The following CDH20 variants were observed in gnomAD, a reference collection of about 807,000 sequenced individuals.
The protein encoded by CDH20 is cadherin 20, also known as cadherin-20.
In CDH20, 29 loss-of-function variants were observed where a neutral mutation model predicts 74.2. The ratio of observed to expected loss-of-function variants is 0.39; its 90% CI spans 0.29 to 0.53. The LOEUF (loss-of-function observed/expected upper bound fraction) is 0.53, where lower values mean the gene tolerates loss of function less well. Among genes scored for constraint, CDH20 ranks in the 20% least tolerant of loss-of-function variants. The pLI, the probability that CDH20 is intolerant of heterozygous loss-of-function variation, is 0.69. For missense variants in CDH20, 988 were observed against 1,048.3 expected, an observed-to-expected ratio of 0.94 and a Z score of 0.79; for synonymous variants, 469 against 405.4, an observed-to-expected ratio of 1.16 and a Z score of -1.88.
intron 1 of CDH20, among the ~76,000 whole-genome samples, chr18:61,354,274 T>C (rs143374198): frequency 7.7e-4 from 117 of 152,206 alleles, no homozygotes; most frequent in African/African-American, 2.7e-3. Flanking sequence ...TGTGGAATTA[T>C]ACACTATTGG....
chr18:61,414,718 G>A (rs1219656320), intron 1 of CDH20, among the ~76,000 whole-genome samples: 3 of 151,894 alleles, frequency 2.0e-5, no homozygotes, highest in African/African-American at 7.3e-5. Flanking sequence ...ACCAATTTAA[G>A]TTTTAATTTG....
At chr18:61,434,070 C>T (rs892026949) in intron 1 of CDH20, among the ~76,000 whole-genome samples, 8 of 152,038 alleles carry the variant, frequency 5.3e-5, no homozygotes, top group Admixed American at 1.3e-4. Context: ...GCAGTAACAG[C>T]CCTTTATACT....
rs1056209650 is a variant in CDH20, at chr18:61,524,782, G to A, written c.1018-3185G>A. On this transcript the variant is annotated intron_variant, in intron 6 of 11. Transcript: ENST00000262717. Reference sequence around the variant, plus strand: ...CTGAAAATACAAAAATTAGCCAGGCGTGGTGGCACACACGTGTAGTCCCAG... The same window carrying A: ...CTGAAAATACAAAAATTAGCCAGGCATGGTGGCACACACGTGTAGTCCCAG... Among the ~76,000 whole-genome samples, 7 of 152,258 alleles carry A rather than the reference G, an allele frequency of 4.6e-5. No individual in the cohort carries two copies. The East Asian group carries it at 1.2e-3, about 25-fold the overall frequency.
At chr18:61,407,725 C>T (rs1463766939) in intron 1 of CDH20, among the ~76,000 whole-genome samples, 1 of 152,202 alleles carries the variant, frequency 6.6e-6, no homozygotes, top group Non-Finnish European at 1.5e-5. Flanking sequence ...TAGAAAACAG[C>T]AGATGAACCT....
At chr18:61,520,327 AAAAAAAG>A (rs771277727) in intron 6 of CDH20, among the ~76,000 whole-genome samples, 1 of 128,620 alleles carries the variant, frequency 7.8e-6, no homozygotes, top group Non-Finnish European at 1.7e-5. Flanking sequence ...AAAAAAAAAA[AAAAAAAG>A]ACAAAGAAGG....
At chr18:61,394,511 G>A (rs1911897065) in intron 1 of CDH20, among the ~76,000 whole-genome samples, 2 of 152,136 alleles carry the variant, frequency 1.3e-5, no homozygotes, top group South Asian at 4.1e-4. Context: ...AGGCATGCCA[G>A]TGATCACCAG....
intron 1 of CDH20, among the ~76,000 whole-genome samples, chr18:61,429,419 T>C (rs1008211661): frequency 1.3e-5 from 2 of 152,196 alleles, no homozygotes; most frequent in East Asian, 3.9e-4. Context: ...AGATTGTTTG[T>C]GTGTGTTTTC....
intron 1 of CDH20, among the ~76,000 whole-genome samples, chr18:61,381,666 G>A (rs765243349): frequency 2.6e-5 from 4 of 152,188 alleles, no homozygotes; most frequent in African/African-American, 2.4e-5. Context: ...ATCCAAAAAT[G>A]TCTGATATAC....
At chr18:61,392,969 C>G (rs1337366038) in intron 1 of CDH20, among the ~76,000 whole-genome samples, 1 of 152,154 alleles carries the variant, frequency 6.6e-6, no homozygotes, top group East Asian at 1.9e-4. Context: ...AGGATCACTG[C>G]CCAAGTCAAA....
intron 1 of CDH20, among the ~76,000 whole-genome samples, chr18:61,373,727 CT>C (rs892910851): frequency 6.6e-6 from 1 of 152,156 alleles, no homozygotes; most frequent in African/African-American, 2.4e-5. Context: ...AAATCACCAC[CT>C]GCCTCCTTCT....
rs115025547 is a variant in CDH20, at chr18:61,446,385, C to T, written c.-152-44017C>T. Among the ~76,000 whole-genome samples, 670 of 152,166 alleles carry T rather than the reference C, an allele frequency of 4.4e-3. 9 individuals are homozygous for T. The highest frequency in any genetic ancestry group is 0.015 in the African/African-American group (643 of 41,524). ...TTCTTTAACTGTTTCCTGTTCTCACCGCTCTCACTACCTTACTTGCTTCTG... is the reference window on the plus strand; with the variant it reads ...TTCTTTAACTGTTTCCTGTTCTCACTGCTCTCACTACCTTACTTGCTTCTG... On this transcript the variant is annotated intron_variant, in intron 1 of 11. Transcript: ENST00000262717.
At chr18:61,440,414 C>T (rs898421134) in intron 1 of CDH20, among the ~76,000 whole-genome samples, 1 of 152,130 alleles carries the variant, frequency 6.6e-6, no homozygotes, top group African/African-American at 2.4e-5. Context: ...GTAAAAACTA[C>T]TACTTAGGAG....
At chr18:61,398,341 G>A (rs1406411689) in intron 1 of CDH20, among the ~76,000 whole-genome samples, 1 of 152,096 alleles carries the variant, frequency 6.6e-6, no homozygotes, top group Non-Finnish European at 1.5e-5. Flanking sequence ...TCCAGAACCT[G>A]AAAAGAGTAG....
intron 1 of CDH20, among the ~76,000 whole-genome samples, chr18:61,419,897 T>C (rs1054244962): frequency 6.6e-6 from 1 of 152,178 alleles, no homozygotes; most frequent in African/African-American, 2.4e-5. Context: ...GAGTCACTGT[T>C]CTCATTGAGA....
chr18:61,364,301 G>A (rs1415238255), intron 1 of CDH20, among the ~76,000 whole-genome samples: 1 of 151,920 alleles, frequency 6.6e-6, no homozygotes. Context: ...AAGTGAATGA[G>A]GTGTGTTTGT....
intron 1 of CDH20, among the ~76,000 whole-genome samples, chr18:61,486,865 A>G (rs987422871): frequency 2.6e-5 from 4 of 152,172 alleles, no homozygotes; most frequent in Non-Finnish European, 5.9e-5. Flanking sequence ...TAACCATGAA[A>G]AGCTCAGGAA....
At chr18:61,416,744 C>T (rs1167542141) in intron 1 of CDH20, among the ~76,000 whole-genome samples, 1 of 152,194 alleles carries the variant, frequency 6.6e-6, no homozygotes, top group African/African-American at 2.4e-5. Context: ...GAAGGCTAGG[C>T]CTTACAGCCT....
At chr18:61,397,439 A>T (rs912916372) in intron 1 of CDH20, among the ~76,000 whole-genome samples, 1 of 152,104 alleles carries the variant, frequency 6.6e-6, no homozygotes, top group African/African-American at 2.4e-5. Flanking sequence ...TGAGCATCCA[A>T]GGCCTTCCCA....
At chr18:61,548,167 A>T (rs1327439424) in intron 10 of CDH20, among the ~76,000 whole-genome samples, 1 of 152,236 alleles carries the variant, frequency 6.6e-6, no homozygotes, top group African/African-American at 2.4e-5. Context: ...TATAATCCTC[A>T]GGTTGGCATC....
Sources: allele counts gnomAD v4.1 joint callset (sites outside exome capture counted in the v4.1 genomes callset), GRCh38; gene constraint gnomAD v4.1.1; transcripts MANE v1.5; gene names NCBI Gene and HGNC (gene_info 2026-07-23, HGNC 2026-07-21).